The following AMPD3 variants were observed in gnomAD, a reference collection of about 807,000 sequenced individuals.
AMPD3 encodes adenosine monophosphate deaminase 3, also known as AMP deaminase 3.
AMPD3 carries 57 observed loss-of-function variants against 82.3 expected under a neutral mutation model. That is an observed-to-expected ratio of 0.69 (90% confidence interval 0.56 to 0.86). The LOEUF is 0.86. Among genes scored for constraint, AMPD3 ranks in the 40% least tolerant of loss-of-function variants. The probability of loss-of-function intolerance (pLI) is 0.00; values close to 1 mark genes in which losing one functional copy is unlikely to be tolerated. For missense variants in AMPD3, 870 were observed against 1,003.8 expected (o/e 0.87, Z 1.80); for synonymous variants, 381 against 394.7 (o/e 0.97, Z 0.41).
At chr11:10,486,604 C>T in intron 5 of AMPD3, 1 of 985,390 alleles carries the variant, frequency 1.0e-6, no homozygotes, top group South Asian at 4.7e-5. Flanking sequence ...TCCCAATCCA[C>T]CCATGATGCA....
intron 6 of AMPD3, among the ~76,000 whole-genome samples, chr11:10,490,975 T>C (rs540678216): frequency 6.6e-6 from 1 of 152,350 alleles, no homozygotes; most frequent in Non-Finnish European, 1.5e-5. Context: ...AGGATGCTGA[T>C]GAGTGAGTGC....
chr11:10,496,253 C>G, intron 9 of AMPD3: 1 of 985,394 alleles, frequency 1.0e-6, no homozygotes, highest in Non-Finnish European at 1.2e-6. Context: ...TATAGATGTG[C>G]AAAGGCCTTG....
upstream of AMPD3, chr11:10,450,731 C>T (rs1229692710): frequency 8.0e-6 from 9 of 1,118,200 alleles, no homozygotes; most frequent in African/African-American, 3.3e-5. Flanking sequence ...CTTCAGGTAG[C>T]CTCTCGGCTC....
In AMPD3 at chr11:10,494,981, T is replaced by G; in HGVS notation, c.1217T>G (p.Leu406Trp). The G allele has an allele frequency of 6.2e-7, 1 of 1,614,206 alleles. No homozygotes were observed. The highest frequency in any genetic ancestry group is 8.5e-7 in the Non-Finnish European group (1 of 1,180,030). The change falls in exon 8 of 15, where the codon TTG (leucine) becomes TGG (tryptophan). Residue 406 changes from leucine (L) to tryptophan (W), a missense_variant. Coordinates refer to ENST00000396553, the MANE Select transcript of AMPD3 (RefSeq NM_001025389.2). Reference sequence around the variant, plus strand: ...GCCAGTGAGCTGCGTGACCTGTATTTGAAAACTGAAAACTATCTGGGAGGA... The same window carrying G: ...GCCAGTGAGCTGCGTGACCTGTATTGGAAAACTGAAAACTATCTGGGAGGA... ...VGASELRDLY[L>W]KTENYLGGEY... is the part of the protein sequence containing the mutation.
chr11:10,451,537 C>T (rs1847963462), upstream of AMPD3, among the ~76,000 whole-genome samples: 1 of 152,226 alleles, frequency 6.6e-6, no homozygotes, highest in Non-Finnish European at 1.5e-5. Flanking sequence ...CTGCTTTCTG[C>T]CCTTGATCTT....
intron 2 of AMPD3, chr11:10,477,021 G>T: frequency 2.0e-6 from 2 of 985,470 alleles, no homozygotes; most frequent in Non-Finnish European, 2.4e-6. Context: ...GATAACACAG[G>T]GTAGGCAGGT....
intron 2 of AMPD3, among the ~76,000 whole-genome samples, chr11:10,467,175 T>C (rs1489682234): frequency 6.6e-6 from 1 of 152,140 alleles, no homozygotes; most frequent in African/African-American, 2.4e-5. Flanking sequence ...GTTTGACCAA[T>C]TGACAGAAGT....
chr11:10,471,417 C>T (rs1283473855), intron 2 of AMPD3, among the ~76,000 whole-genome samples: 2 of 152,198 alleles, frequency 1.3e-5, no homozygotes, highest in Admixed American at 1.3e-4. Flanking sequence ...TATAAAACAT[C>T]AAAAGCCATG....
chr11:10,473,178 G>A (rs1848642902), intron 2 of AMPD3, among the ~76,000 whole-genome samples: 3 of 152,200 alleles, frequency 2.0e-5, no homozygotes. Context: ...GCTGAGGCAC[G>A]AGAATTGCTT....
intron 6 of AMPD3, among the ~76,000 whole-genome samples, chr11:10,489,675 CTCTG>C (rs1200533374): frequency 6.6e-6 from 1 of 151,074 alleles, no homozygotes; most frequent in Non-Finnish European, 1.5e-5. Flanking sequence ...CTTGATAGCA[CTCTG>C]TCTCTCTTTT....
At chr11:10,486,847 CCA>C in intron 5 of AMPD3, 2 of 985,404 alleles carry the variant, frequency 2.0e-6, no homozygotes, top group Non-Finnish European at 2.4e-6. Context: ...CACTGAGCAT[CCA>C]CTCTGCTTGG....
intron 12 of AMPD3, chr11:10,502,056 C>T: frequency 1.0e-6 from 1 of 985,430 alleles, no homozygotes; most frequent in South Asian, 4.7e-5. Context: ...CCAGTCCACA[C>T]TAGTTGGGCA....
Position 10,505,714 on chromosome 11 carries a change from C to G in AMPD3, c.2134C>G (p.Gln712Glu). ...TATTTCTCTTGGTCCACAGGAAAAG[C>G]AAAAGTTTCTGGGACAAAATTATTA... ...LQSGLSHQEK[Q>E]KFLGQNYYKE... Residue 712 changes from glutamine to glutamate, a missense_variant, in exon 15 of 15, where the codon CAA (glutamine) becomes GAA (glutamate). Gln to Glu is a conservative substitution (Grantham distance 29, BLOSUM62 2). Transcript: ENST00000396553. The G allele has an allele frequency of 6.2e-7, 1 of 1,613,712 alleles. No homozygotes were observed. Among genetic ancestry groups the G allele is most frequent in the Non-Finnish European group, 8.5e-7 (1 of 1,180,016 alleles).
intron 7 of AMPD3, chr11:10,494,508 A>AG: frequency 1.8e-6 from 1 of 552,104 alleles, no homozygotes. Flanking sequence ...CTTTATTAGA[A>AG]CAAAAAAAAC....
rs1043674969 is a variant in AMPD3, at chr11:10,497,630, TGACTG to T, written c.1557+696_1557+700del. On this transcript the variant is annotated intron_variant, in intron 10 of 14. Coordinates refer to ENST00000396553, the MANE Select transcript of AMPD3 (RefSeq NM_001025389.2). Reference sequence around the variant, plus strand: ...GAATTGAGTCTGTGTGCCCAGAAAGTGACTGGACAAGCTGAGGGACATCATCAAAT... The same window carrying T: ...GAATTGAGTCTGTGTGCCCAGAAAGTGACAAGCTGAGGGACATCATCAAAT... 5.7e-5 allele frequency: 56 copies of T among 985,104 alleles called. 1 individual carries two copies. The highest frequency in any genetic ancestry group is 1.1e-5 in the Non-Finnish European group (9 of 829,878). The allele number at this position is 985,104 out of a possible 1,614,324, so 61.0% of individuals were successfully genotyped here. A position where few individuals can be genotyped will look rare whatever the true frequency, so the allele number is the denominator to read the frequency against.
At chr11:10,470,284 T>C (rs1191574057) in intron 2 of AMPD3, among the ~76,000 whole-genome samples, 1 of 152,136 alleles carries the variant, frequency 6.6e-6, no homozygotes, top group Non-Finnish European at 1.5e-5. Flanking sequence ...CTAAAAACTC[T>C]CAATAAATTA....
Position 10,472,401 on chromosome 11 carries a change from C to T in AMPD3, c.222-6125C>T, listed in dbSNP as rs139035230. Among the ~76,000 whole-genome samples, 1,377 of 151,986 alleles carry T rather than the reference C, an allele frequency of 9.1e-3. 8 individuals carry two copies. The highest frequency in any genetic ancestry group is 0.013 in the Non-Finnish European group (868 of 67,998). ...GGCATGTGTATACCTATGTAACAAACCTGCACATTCTTTACATGTACCCCA... is the reference window on the plus strand; with the variant it reads ...GGCATGTGTATACCTATGTAACAAATCTGCACATTCTTTACATGTACCCCA... On this transcript the variant is annotated intron_variant, in intron 2 of 14. Coordinates refer to ENST00000396553, the MANE Select transcript of AMPD3 (RefSeq NM_001025389.2).
chr11:10,496,281 G>C (rs779401840), intron 9 of AMPD3: 2 of 985,198 alleles, frequency 2.0e-6, no homozygotes, highest in African/African-American at 3.5e-5. Context: ...TACTACCCCC[G>C]CCTTCTTCTC....
At chr11:10,461,097 G>T in intron 1 of AMPD3, 1 of 1,182,652 alleles carries the variant, frequency 8.5e-7, no homozygotes, top group Non-Finnish European at 1.1e-6. Context: ...TGTGAAGTGG[G>T]GGAGTGAGGT....
Sources: allele counts gnomAD v4.1 joint callset (sites outside exome capture counted in the v4.1 genomes callset), GRCh38; gene constraint gnomAD v4.1.1; transcripts MANE v1.5; gene names NCBI Gene and HGNC (gene_info 2026-07-23, HGNC 2026-07-21).